KDM5A: variants seen among roughly 807,000 people sequenced by gnomAD.
KDM5A encodes lysine-specific demethylase 5A.
Under a neutral mutation model 193.5 loss-of-function variants are expected in KDM5A, and 42 were observed. The observed-to-expected ratio is 0.22, with a 90% CI of 0.17 to 0.28. The LOEUF (loss-of-function observed/expected upper bound fraction) is 0.28. KDM5A is among the 10% of genes least tolerant of loss of function. KDM5A has a pLI of 1.00. For synonymous variants in KDM5A, 796 were observed against 718.1 expected (o/e 1.11, Z -1.73); for missense variants, 1,692 against 2,055.1 (o/e 0.82, Z 3.42).
intron 6 of KDM5A, 29 bp from the exon 7 acceptor site, chr12:355,278 T>A: frequency 7.9e-7 from 1 of 1,264,374 alleles, no homozygotes; most frequent in Non-Finnish European, 1.2e-6. Flanking sequence ...ACAATAATAG[T>A]AAAAACCAAT....
chr12:366,373 T>C (rs1944357307), intron 3 of KDM5A, among the ~76,000 whole-genome samples: 1 of 152,148 alleles, frequency 6.6e-6, no homozygotes, highest in Non-Finnish European at 1.5e-5. Flanking sequence ...GTACGCACTG[T>C]GAGAAAACTA....
At chr12:359,750 A>T (rs965081665) in intron 5 of KDM5A, among the ~76,000 whole-genome samples, 9 of 146,678 alleles carry the variant, frequency 6.1e-5, no homozygotes, top group African/African-American at 2.2e-4. Flanking sequence ...TCAAAAAAAA[A>T]AAAAGGGTGG....
chr12:295,295 G>GA (rs752961083), intron 26 of KDM5A, among the ~76,000 whole-genome samples: 22,551 of 145,200 alleles, frequency 0.16, 1,982 homozygotes, highest in Non-Finnish European at 0.21. Context: ...GAAGAAAAAA[G>GA]AAAAAGAAAG....
In KDM5A at chr12:363,124, G is replaced by T. The variant is rs546824999; in HGVS notation, c.538-27C>A. On this transcript the variant is annotated intron_variant, in intron 4 of 27. Transcript: ENST00000399788. ...TAAAAGATCAGAGCACAGAAAGAGA[G>T]CAGGTTCACTGATAAGAAATCATGC... The T allele has an allele frequency of 1.4e-5, 22 of 1,613,534 alleles. No homozygotes were observed. In the East Asian group the frequency reaches 4.9e-4, roughly 36 times the overall value.
At chr12:330,955 A>G (rs1009731385) in intron 13 of KDM5A, among the ~76,000 whole-genome samples, 36 of 152,202 alleles carry the variant, frequency 2.4e-4, no homozygotes, top group Non-Finnish European at 4.7e-4. Context: ...CCCAAGCAAC[A>G]TAACAGCCAC....
At chr12:334,180 C>T in intron 11 of KDM5A, 61 bp downstream of exon 11, 1 of 1,418,390 alleles carries the variant, frequency 7.1e-7, no homozygotes, top group Non-Finnish European at 1.0e-6. Context: ...AAAAACCTAG[C>T]ATCATTAATC....
intron 3 of KDM5A, among the ~76,000 whole-genome samples, chr12:375,258 G>A (rs1232666039): frequency 6.6e-6 from 1 of 152,078 alleles, no homozygotes; most frequent in Admixed American, 6.6e-5. Context: ...CACATTTCTT[G>A]GAGGCTTTGT....
At chr12:332,130 GATT>G (rs979429554) in intron 12 of KDM5A, among the ~76,000 whole-genome samples, 192 bp from the exon 13 acceptor site, 28 of 152,126 alleles carry the variant, frequency 1.8e-4, no homozygotes, top group Non-Finnish European at 3.1e-4. Flanking sequence ...ACTGATAATA[GATT>G]ATAATTCATG....
chr12:293,213 TA>T, intron 26 of KDM5A, 44 bp from the exon 27 acceptor site: 1 of 1,516,272 alleles, frequency 6.6e-7, no homozygotes, highest in South Asian at 1.1e-5. Flanking sequence ...GCAAGACAGT[TA>T]AAAAACAGTA....
chr12:301,250 C>T (rs1306648268), intron 24 of KDM5A, among the ~76,000 whole-genome samples: 6 of 152,144 alleles, frequency 3.9e-5, no homozygotes, highest in African/African-American at 1.4e-4. Flanking sequence ...GGCTAATATC[C>T]CTGATGAACA....
intron 9 of KDM5A, 24 bp downstream of exon 9, chr12:352,181 C>G: frequency 1.2e-6 from 2 of 1,603,546 alleles, no homozygotes; most frequent in Non-Finnish European, 1.7e-6. Context: ...CTCCCCGGAC[C>G]GACCTAAAAG....
chr12:330,323 C>A (rs1943850627), intron 13 of KDM5A, among the ~76,000 whole-genome samples: 1 of 152,066 alleles, frequency 6.6e-6, no homozygotes, highest in Non-Finnish European at 1.5e-5. Context: ...TTAATTTATT[C>A]CACAGATAAA....
intron 18 of KDM5A, among the ~76,000 whole-genome samples, chr12:318,738 A>C (rs34178999): frequency 0.01 from 1,596 of 152,352 alleles, 15 homozygotes; most frequent in Non-Finnish European, 0.018. Flanking sequence ...CACAGTATTA[A>C]AGAAGACATA....
In KDM5A at chr12:322,932, A is replaced by C. The variant is rs576948702; in HGVS notation, c.2275+150T>G. 8.2e-5 allele frequency: 81 copies of C among 982,758 alleles called. No homozygotes were observed. The African/African-American group carries it at 1.2e-3, about 15-fold the overall frequency. The allele number at this position is 982,758 out of a possible 1,614,324, so 60.9% of individuals were successfully genotyped here. A position where few individuals can be genotyped will look rare whatever the true frequency, so the allele number is the denominator to read the frequency against. On this transcript the variant is annotated intron_variant, in intron 16 of 27. Transcript: ENST00000399788. The stretch of plus-strand genomic sequence containing the variant: ...AAACAAGATTCTCAAATAGAAAATT[A>C]AGTCTATATTCAATCAACCCATTAA...
intron 10 of KDM5A, among the ~76,000 whole-genome samples, chr12:342,774 TAAAA>T (rs78058969): frequency 7.9e-6 from 1 of 126,812 alleles, no homozygotes; most frequent in East Asian, 2.3e-4. Context: ...AAATGTGATT[TAAAA>T]AAAAAAAAAA....
intron 10 of KDM5A, among the ~76,000 whole-genome samples, chr12:348,114 G>A (rs1400447787): frequency 6.6e-6 from 1 of 152,112 alleles, no homozygotes; most frequent in East Asian, 1.9e-4. Flanking sequence ...GATATGAACA[G>A]ACACTTCTCA....
chr12:303,605 T>C (rs370981510), intron 24 of KDM5A, among the ~76,000 whole-genome samples: 5 of 152,054 alleles, frequency 3.3e-5, no homozygotes, highest in East Asian at 1.9e-4. Context: ...TATACCTATG[T>C]AGCAAACCTG....
rs780887615 is a variant in KDM5A, at chr12:307,415, T to A, written c.3930+39A>T. The A allele has an allele frequency of 1.3e-6, 2 of 1,579,258 alleles. No individual in the cohort carries two copies. Among genetic ancestry groups the A allele is most frequent in the Non-Finnish European group, 1.7e-6 (2 of 1,150,018 alleles). On this transcript the variant is annotated intron_variant, in intron 23 of 27. Transcript: ENST00000399788. This position sits in a 1 kb window ranked among gnomAD's most constrained non-coding sequence, Gnocchi z 4.3. ...AATTTACTATTTATACACTGACATA[T>A]CCCATGAAATAGAAAAAGAATGTAA... is the stretch of plus-strand genomic sequence containing the variant.
intron 5 of KDM5A, among the ~76,000 whole-genome samples, chr12:360,379 T>C (rs1329163438): frequency 6.6e-6 from 1 of 151,404 alleles, no homozygotes; most frequent in African/African-American, 2.4e-5. Flanking sequence ...GGACCAAAGA[T>C]ACAAAATAAA....
Sources: gnomAD v4.1 joint callset for allele counts (sites outside exome capture counted in the v4.1 genomes callset) on GRCh38, gnomAD v4.1.1 for gene constraint, Gnocchi (gnomAD v3.1) non-coding constraint, MANE v1.5 for transcripts, NCBI Gene and HGNC (gene_info 2026-07-23, HGNC 2026-07-21) for gene names.